Variants in DMBT1 observed in about 807,000 individuals in gnomAD.
The protein encoded by DMBT1 is deleted in malignant brain tumors 1, also known as scavenger receptor cysteine-rich domain-containing protein DMBT1.
In DMBT1, 198 loss-of-function variants were observed where a neutral mutation model predicts 252.9. That is an observed-to-expected ratio of 0.78 (90% CI 0.70 to 0.88). The LOEUF (loss-of-function observed/expected upper bound fraction) is 0.88. DMBT1 is among the 40% of genes least tolerant of loss of function. The pLI, the probability that DMBT1 is intolerant of heterozygous loss-of-function variation, is 0.00. For missense variants in DMBT1, 2,432 were observed against 2,404.7 expected (o/e 1.01, Z -0.24); for synonymous variants, 990 against 942.7 (o/e 1.05, Z -0.92).
chr10:122,600,873 G>A (rs376269908), intron 27 of DMBT1, 118 bp from the exon 28 acceptor site: 38 of 727,368 alleles, frequency 5.2e-5, no homozygotes, highest in Non-Finnish European at 8.9e-5. Context: ...TGGGAAGCAA[G>A]TGGCAGGAAC....
chr10:122,580,290 C>T (rs551068956), intron 10 of DMBT1, among the ~76,000 whole-genome samples: 1 of 152,280 alleles, frequency 6.6e-6, no homozygotes, highest in South Asian at 2.1e-4. Flanking sequence ...AGATGCTTGG[C>T]TAAAAGTGGG....
At chr10:122,617,545 C>G (rs1474453197) in intron 40 of DMBT1, among the ~76,000 whole-genome samples, 1 of 151,566 alleles carries the variant, frequency 6.6e-6, no homozygotes, top group Non-Finnish European at 1.5e-5. Context: ...GCTGGGACCT[C>G]TTTCCTGGCC....
At chr10:122,592,114 C>G (rs2133587656) in intron 19 of DMBT1, among the ~76,000 whole-genome samples, 158 bp from the exon 20 acceptor site, 1 of 148,652 alleles carries the variant, frequency 6.7e-6, no homozygotes, top group Non-Finnish European at 1.5e-5. Flanking sequence ...ACCTCTCCTT[C>G]CAGTATGATG....
At position 122,631,293 on chromosome 10, in the gene DMBT1, T is replaced by G. The variant is rs1317952022; in HGVS notation, c.6346+12T>G. On this transcript the variant is annotated intron_variant, in intron 49 of 55. Coordinates refer to ENST00000338354, the MANE Select transcript of DMBT1 (RefSeq NM_001377530.1). The stretch of plus-strand genomic sequence containing the variant: ...TGTCATCTGCTCAGGTATGGCCCAA[T>G]GCCATGGAAGGCCCATTTCACCTGT... 3 of 1,608,144 alleles carry G rather than the reference T, an allele frequency of 1.9e-6. No individual in the cohort carries two copies. Among genetic ancestry groups the G allele is most frequent in the Non-Finnish European group, 2.6e-6 (3 of 1,175,170 alleles).
intron 54 of DMBT1, among the ~76,000 whole-genome samples, chr10:122,638,157 C>A (rs966340573): frequency 6.6e-6 from 1 of 152,168 alleles, no homozygotes; most frequent in African/African-American, 2.4e-5. Flanking sequence ...GAAGGCCTGG[C>A]CTTAATTGTG....
intron 54 of DMBT1, among the ~76,000 whole-genome samples, chr10:122,639,351 G>A (rs1019025877): frequency 6.6e-6 from 1 of 152,198 alleles, no homozygotes; most frequent in Non-Finnish European, 1.5e-5. Flanking sequence ...CTTTGTGTGA[G>A]CAATAAAGCT....
chr10:122,639,095 A>G (rs987501782), intron 54 of DMBT1, among the ~76,000 whole-genome samples: 1 of 152,234 alleles, frequency 6.6e-6, no homozygotes, highest in Non-Finnish European at 1.5e-5. Flanking sequence ...CTGGCCTGTG[A>G]TAGTGAATTT....
At chr10:122,634,482 T>G (rs868698988) in intron 52 of DMBT1, among the ~76,000 whole-genome samples, 3 of 105,326 alleles carry the variant, frequency 2.8e-5, no homozygotes, top group East Asian at 3.1e-4. Context: ...CTCTCTCTCT[T>G]TCTCTCTTTT....
At chr10:122,632,740 C>T in intron 50 of DMBT1, 121 bp from the exon 51 acceptor site, 5 of 1,335,448 alleles carry the variant, frequency 3.7e-6, no homozygotes, top group Non-Finnish European at 5.2e-6. Flanking sequence ...AGGGCAAGGC[C>T]TGTGTCCAGC....
intron 54 of DMBT1, among the ~76,000 whole-genome samples, chr10:122,639,802 CA>C (rs1422337768): frequency 6.6e-6 from 1 of 152,190 alleles, no homozygotes; most frequent in East Asian, 1.9e-4. Context: ...AGCAGGTGGA[CA>C]AGGTAGAACC....
intron 2 of DMBT1, among the ~76,000 whole-genome samples, chr10:122,568,805 T>G (rs3019529): frequency 0.67 from 102,017 of 152,142 alleles, 34,567 homozygotes; most frequent in East Asian, 0.77. Context: ...TTGGGTGACT[T>G]GCATTGCTTG....
intron 18 of DMBT1, among the ~76,000 whole-genome samples, chr10:122,591,019 G>A (rs1025652678): frequency 6.7e-6 from 1 of 148,556 alleles, no homozygotes; most frequent in African/African-American, 2.4e-5. Flanking sequence ...CCCCAGATGC[G>A]GCAGGGCCCC....
chr10:122,578,667 C>G (rs916876199), intron 8 of DMBT1, 51 bp from the exon 9 acceptor site: 2 of 1,531,076 alleles, frequency 1.3e-6, no homozygotes, highest in Admixed American at 3.7e-5. Flanking sequence ...TGTTTTTTAC[C>G]TTTTTCCCTT....
At chr10:122,580,927 C>A (rs1565659987) in intron 11 of DMBT1, 32 bp downstream of exon 11, 1 of 1,612,922 alleles carries the variant, frequency 6.2e-7, no homozygotes, top group Non-Finnish European at 8.5e-7. Flanking sequence ...TCAAAATGTC[C>A]CTTCTCTTTC....
chr10:122,565,530 T>G (rs1247849484), intron 1 of DMBT1, among the ~76,000 whole-genome samples: 1 of 152,192 alleles, frequency 6.6e-6, no homozygotes, highest in Non-Finnish European at 1.5e-5. Flanking sequence ...TAAAATGTTT[T>G]CAGGTTATGA....
intron 46 of DMBT1, 135 bp downstream of exon 46, chr10:122,626,100 C>A: frequency 2.8e-6 from 2 of 719,836 alleles, no homozygotes; most frequent in East Asian, 4.9e-5. Flanking sequence ...CCCACTATAC[C>A]CTTCACCTCT....
Position 122,585,456 on chromosome 10 carries a change from G to T in DMBT1, c.1459+147G>T. ...CATGGGAGGAAGGTAGAGTCTCTGG[G>T]GACCCAGCTGTGGGTCTGATGTTGG... On this transcript the variant is annotated intron_variant, in intron 15 of 55. Transcript: ENST00000338354. 2 of 1,118,716 alleles carry T rather than the reference G, an allele frequency of 1.8e-6. 1 individual carries two copies. The highest frequency in any genetic ancestry group is 2.6e-6 in the Non-Finnish European group (2 of 778,726). 69.3% of individuals were successfully genotyped at this position (1,118,716 alleles called of 1,614,324 possible).
Position 122,625,297 on chromosome 10 carries a change from A to G in DMBT1, c.5629A>G (p.Thr1877Ala). The change falls in exon 45 of 56, where the codon ACG (threonine) becomes GCG (alanine). Residue 1877 changes from threonine to alanine, a missense_variant. By Grantham distance (58) the Thr-to-Ala change is moderately conservative. This residue lies in a region of DMBT1 where 1,162 missense variants were observed against 1,169.0 expected (regional missense o/e 0.99). Transcript: ENST00000338354. Reference protein sequence around the residue: ...ICSATQINSTTTDWWHPTTTT... With the variant: ...ICSATQINSTATDWWHPTTTT... ...TGCAGCCACCCAAATAAATTCTACT[A>G]CGACAGGTGAGTCTGCTACACCCCA... 1 of 1,610,974 alleles carries G rather than the reference A, an allele frequency of 6.2e-7. No individual in the cohort carries two copies. The highest frequency in any genetic ancestry group is 1.1e-5 in the South Asian group (1 of 89,964).
At chr10:122,591,384 A>T in intron 18 of DMBT1, 95 bp from the exon 19 acceptor site, 2 of 1,353,046 alleles carry the variant, frequency 1.5e-6, no homozygotes, top group Non-Finnish European at 2.1e-6. Flanking sequence ...AAATGGAAGA[A>T]TATTCATGAT....
Sources: gnomAD v4.1 joint callset for allele counts (sites outside exome capture counted in the v4.1 genomes callset) on GRCh38, gnomAD v4.1.1 for gene constraint, gnomAD v4.1.1 regional missense constraint, MANE v1.5 for transcripts, NCBI Gene and HGNC (gene_info 2026-07-23, HGNC 2026-07-21) for gene names.